Variants in REV1 observed in about 807,000 individuals in gnomAD.
REV1 encodes translesion synthesis protein REV1.
REV1 carries 42 observed loss-of-function variants against 137.4 expected under a neutral mutation model. That is an observed-to-expected ratio of 0.31 (90% CI 0.24 to 0.40). REV1 has a LOEUF of 0.40. REV1 is among the 10% of genes least tolerant of loss of function. REV1 has a pLI of 1.00. For missense variants in REV1, 1,282 were observed against 1,490.1 expected (o/e 0.86, Z 2.30); for synonymous variants, 524 against 519.2 (o/e 1.01, Z -0.12).
chr2:99,444,835 A>G (rs1322104543), intron 4 of REV1, among the ~76,000 whole-genome samples: 1 of 152,116 alleles, frequency 6.6e-6, no homozygotes, highest in African/African-American at 2.4e-5. Context: ...AATTTCTCAC[A>G]TTTACTATTT....
chr2:99,488,402 G>A (rs1010599698), intron 1 of REV1, among the ~76,000 whole-genome samples: 1 of 119,338 alleles, frequency 8.4e-6, no homozygotes, highest in Non-Finnish European at 1.8e-5. Context: ...ACGGTTTACC[G>A]TAAAATAGCG....
At chr2:99,413,445 G>C (rs1225615886) in intron 12 of REV1, among the ~76,000 whole-genome samples, 1 of 152,142 alleles carries the variant, frequency 6.6e-6, no homozygotes, top group Non-Finnish European at 1.5e-5. Flanking sequence ...CACAAAATGG[G>C]CCAAAGTCCA....
chr2:99,420,825 T>C (rs28382928), intron 11 of REV1, among the ~76,000 whole-genome samples: 2 of 152,282 alleles, frequency 1.3e-5, no homozygotes, highest in South Asian at 2.1e-4. Context: ...ATACTGAGTA[T>C]GGCAGGGACA....
intron 8 of REV1, among the ~76,000 whole-genome samples, chr2:99,431,456 A>C (rs1474766532): frequency 6.6e-6 from 1 of 152,186 alleles, no homozygotes; most frequent in East Asian, 1.9e-4. Flanking sequence ...CAGGACTGTC[A>C]GTATCACACT....
intron 9 of REV1, among the ~76,000 whole-genome samples, chr2:99,426,411 T>C (rs911777314): frequency 6.6e-6 from 1 of 152,064 alleles, no homozygotes; most frequent in African/African-American, 2.4e-5. Flanking sequence ...TTACAATATT[T>C]TCATTTTCAA....
chr2:99,443,500 A>T (rs1681773913), intron 4 of REV1, among the ~76,000 whole-genome samples: 1 of 152,246 alleles, frequency 6.6e-6, no homozygotes, highest in East Asian at 1.9e-4. Context: ...TAACTGAGTC[A>T]ACAACTTGGA....
chr2:99,440,153 C>A (rs925753602), intron 5 of REV1, among the ~76,000 whole-genome samples: 1 of 152,088 alleles, frequency 6.6e-6, no homozygotes, highest in Admixed American at 6.5e-5. Flanking sequence ...AAATGCAGAA[C>A]CCATGACAAA....
At position 99,464,953 on chromosome 2, in the gene REV1, T is replaced by C. The variant is rs143638395; in HGVS notation, c.23A>G (p.Lys8Arg). The change falls in exon 2 of 23, where the codon AAG becomes AGG. Residue 8 changes from lysine to arginine, a missense_variant. Coordinates refer to ENST00000258428, the MANE Select transcript of REV1 (RefSeq NM_016316.4). ...TTCCCAGCCATCATTTTCAGCTCGC[T>C]TCCTCCATCCACCTCGCCTCATGGT... MRRGGWR[K>R]RAENDGWETW... 726 of 1,613,592 alleles carry C rather than the reference T, an allele frequency of 4.5e-4. 6 individuals carry two copies. The African/African-American group carries it at 8.6e-3, about 19-fold the overall frequency.
intron 3 of REV1, among the ~76,000 whole-genome samples, chr2:99,459,157 G>A (rs564528139): frequency 4.0e-5 from 6 of 151,484 alleles, no homozygotes; most frequent in South Asian, 4.2e-4. Context: ...GCAGTGAGCC[G>A]AGATCGCGCC....
rs1045602405 is a variant in REV1, at chr2:99,407,483, C to T, written c.2448+546G>A. 5.3e-5 allele frequency among the ~76,000 whole-genome samples: 8 copies of T among 151,210 alleles called. No homozygotes were observed. In the South Asian group the frequency reaches 1.5e-3, roughly 28 times the overall value. On this transcript the variant is annotated intron_variant, in intron 15 of 22. Transcript: ENST00000258428. Reference sequence around the variant, plus strand: ...AGGAGAATTGCTTGAACCCAGGAGGCGGAAGTTGCAGTGAGCCGATACAAC... The same window carrying T: ...AGGAGAATTGCTTGAACCCAGGAGGTGGAAGTTGCAGTGAGCCGATACAAC...
intron 1 of REV1, among the ~76,000 whole-genome samples, chr2:99,475,416 T>C (rs1018985455): frequency 5.3e-5 from 8 of 152,222 alleles, no homozygotes; most frequent in Non-Finnish European, 1.0e-4. Flanking sequence ...TGGACCAGTA[T>C]AAGCATGCCA....
chr2:99,432,726 A>C (rs1680274471), intron 8 of REV1, among the ~76,000 whole-genome samples: 1 of 152,216 alleles, frequency 6.6e-6, no homozygotes, highest in South Asian at 2.1e-4. Flanking sequence ...TCCTAATATT[A>C]CCTTCTGGTT....
At position 99,488,509 on chromosome 2, in the gene REV1, A is replaced by G. The variant is rs960548114; in HGVS notation, c.-11+1308T>C. Among the ~76,000 whole-genome samples the G allele has an allele frequency of 3.9e-5, 2 of 50,776 alleles. 1 individual carries two copies. Among genetic ancestry groups the G allele is most frequent in the Non-Finnish European group, 8.8e-5 (2 of 22,642 alleles). The allele number at this position is 50,776 out of a possible 152,430, so 33.3% of individuals were successfully genotyped here. Reference sequence around the variant, plus strand: ...AAGACAGGGCTAAAAAGATAAACGCAACACAGGAAAAGGCGCAAATAGCCT... The same window carrying G: ...AAGACAGGGCTAAAAAGATAAACGCGACACAGGAAAAGGCGCAAATAGCCT... On this transcript the variant is annotated intron_variant, in intron 1 of 22. Transcript: ENST00000258428.
chr2:99,403,530 TA>T, intron 19 of REV1, 164 bp downstream of exon 19: 3 of 851,018 alleles, frequency 3.5e-6, no homozygotes, highest in Non-Finnish European at 5.4e-6. Context: ...CAACTAGAAA[TA>T]TGATGATATT....
chr2:99,437,329 G>C lies in REV1; in HGVS notation c.1213+1272C>G, dbSNP rs1377634146. 2.0e-5 allele frequency among the ~76,000 whole-genome samples: 3 copies of C among 151,998 alleles called. No individual in the cohort carries two copies. In the East Asian group the frequency reaches 5.8e-4, roughly 29 times the overall value. ...ACAACCCCATGAGGCAAACATCATG[G>C]ACTATCTATCACTTCTATTCACAAA... On this transcript the variant is annotated intron_variant, in intron 6 of 22. Coordinates refer to ENST00000258428, the MANE Select transcript of REV1 (RefSeq NM_016316.4).
intron 5 of REV1, among the ~76,000 whole-genome samples, chr2:99,441,277 T>C (rs1194646573): frequency 1.3e-5 from 2 of 152,070 alleles, no homozygotes; most frequent in Non-Finnish European, 2.9e-5. Context: ...CAGAAGGCAG[T>C]GATACTGGAT....
At position 99,439,330 on chromosome 2, in the gene REV1, T is replaced by C. The variant is rs1681175101; in HGVS notation, c.504-20A>G. The stretch of plus-strand genomic sequence containing the variant: ...TGATTTCTAAAGCAGGAAAAAATTT[T>C]TGAGTTAATAATATCTGACTTTTAG... On this transcript the variant is annotated intron_variant, in intron 5 of 22. Transcript: ENST00000258428. 6.4e-7 allele frequency: 1 copy of C among 1,561,976 alleles called. No homozygotes were observed. Among genetic ancestry groups the C allele is most frequent in the Non-Finnish European group, 8.7e-7 (1 of 1,143,972 alleles).
At chr2:99,490,096 C>CCGCGGCCCCGCTA (rs1687562086), upstream of REV1, 1 of 149,582 alleles carries the variant, frequency 6.7e-6, no homozygotes, top group South Asian at 2.1e-4. Flanking sequence ...CGGCCCCGCT[C>CCGCGGCCCCGCTA]GCGCTCACAG....
At chr2:99,430,445 T>C (rs1442348414) in intron 8 of REV1, among the ~76,000 whole-genome samples, 1 of 152,214 alleles carries the variant, frequency 6.6e-6, no homozygotes. Flanking sequence ...ATTCCTACCA[T>C]CTATCTGATC....
Sources: allele counts gnomAD v4.1 joint callset (sites outside exome capture counted in the v4.1 genomes callset), GRCh38; gene constraint gnomAD v4.1.1; transcripts MANE v1.5; gene names NCBI Gene and HGNC (gene_info 2026-07-23, HGNC 2026-07-21).